Variants in MYLK observed in about 807,000 individuals in gnomAD.
The protein encoded by MYLK is myosin light chain kinase, also known as myosin light chain kinase, smooth muscle.
MYLK carries 106 observed loss-of-function variants against 203.4 expected under a neutral mutation model. That is an observed-to-expected ratio of 0.52 (90% CI 0.45 to 0.61). MYLK has a LOEUF of 0.61. Among genes scored for constraint, MYLK ranks in the 20% least tolerant of loss-of-function variants. MYLK has a pLI of 0.00. For missense variants in MYLK, 2,072 were observed against 2,442.3 expected (o/e 0.85, Z 3.20); for synonymous variants, 867 against 959.5 (o/e 0.90, Z 1.78).
intron 3 of MYLK, among the ~76,000 whole-genome samples, chr3:123,830,936 TG>T (rs1359894001): frequency 4.6e-5 from 7 of 152,180 alleles, no homozygotes; most frequent in Non-Finnish European, 8.8e-5. Flanking sequence ...GCACTGTCTT[TG>T]TTAAACAGGC....
intron 4 of MYLK, among the ~76,000 whole-genome samples, chr3:123,759,763 G>T (rs2063476147): frequency 6.6e-6 from 1 of 152,196 alleles, no homozygotes; most frequent in Non-Finnish European, 1.5e-5. Context: ...GAAGATGTAA[G>T]ACTTAGCCTA....
intron 3 of MYLK, 138 bp from the exon 4 acceptor site, chr3:123,793,982 C>T: frequency 2.3e-6 from 2 of 885,614 alleles, no homozygotes; most frequent in Non-Finnish European, 3.6e-6. Context: ...TGTCCACCCA[C>T]AGCTCCTCTG....
At chr3:123,666,610 T>C (rs573582027) in intron 21 of MYLK, among the ~76,000 whole-genome samples, 4 of 152,326 alleles carry the variant, frequency 2.6e-5, no homozygotes, top group African/African-American at 9.6e-5. Flanking sequence ...TGTACTGGAA[T>C]TTGTGACTTA....
chr3:123,660,466 T>C (rs1208938846), intron 23 of MYLK, among the ~76,000 whole-genome samples: 1 of 152,020 alleles, frequency 6.6e-6, no homozygotes, highest in African/African-American at 2.4e-5. Context: ...CTGCTCACTG[T>C]CCCCTCCCTT....
rs750151341 is a variant in MYLK, at chr3:123,614,076, C to CTT, written c.*27_*28dup. The CTT allele has an allele frequency of 3.9e-6, 6 of 1,530,670 alleles. No individual in the cohort carries two copies. In the South Asian group the frequency reaches 6.7e-5, roughly 17 times the overall value. 94.8% of individuals were successfully genotyped at this position (1,530,670 alleles called of 1,614,324 possible). On this transcript the variant is annotated 3_prime_UTR_variant, in exon 34 of 34. Transcript: ENST00000360304. ...TAGAGAAATAGTCCTTTTAATATGA[C>CTT]TTAGAAACTGCTTTTCTCTGGCTTT... is the stretch of plus-strand genomic sequence containing the variant.
At chr3:123,835,477 A>T (rs1210883357) in intron 2 of MYLK, among the ~76,000 whole-genome samples, 1 of 152,220 alleles carries the variant, frequency 6.6e-6, no homozygotes, top group African/African-American at 2.4e-5. Flanking sequence ...AAATAAGGAC[A>T]AAGAGTAAAT....
intron 2 of MYLK, among the ~76,000 whole-genome samples, chr3:123,857,676 T>C (rs980930512): frequency 2.0e-5 from 3 of 148,702 alleles, no homozygotes; most frequent in African/African-American, 4.9e-5. Flanking sequence ...AGGGATAGCA[T>C]TGGGAGATAT....
intron 11 of MYLK, among the ~76,000 whole-genome samples, chr3:123,729,088 G>A (rs2062392851): frequency 6.6e-6 from 1 of 152,118 alleles, no homozygotes; most frequent in South Asian, 2.1e-4. Context: ...GTTGTGCAGG[G>A]CTGTGAGCCT....
intron 19 of MYLK, among the ~76,000 whole-genome samples, chr3:123,684,737 T>C (rs1380923001): frequency 1.3e-5 from 2 of 152,192 alleles, no homozygotes; most frequent in Non-Finnish European, 2.9e-5. Context: ...GGTTTCGCCA[T>C]GTTGGCCAGG....
intron 20 of MYLK, among the ~76,000 whole-genome samples, chr3:123,679,755 C>T (rs1174833787): frequency 1.3e-5 from 2 of 152,176 alleles, no homozygotes; most frequent in Non-Finnish European, 2.9e-5. Flanking sequence ...GCTGCTCCCC[C>T]ACTAACTCAG....
chr3:123,647,490 TTGGCAAATTATGGCCCA>T, intron 26 of MYLK, 63 bp from the exon 27 acceptor site: 1 of 1,510,936 alleles, frequency 6.6e-7, no homozygotes, highest in Non-Finnish European at 9.2e-7. Context: ...TAACTTGGGG[TTGGCAAATTATGGCCCA>T]TGGGACAGAT....
At chr3:123,659,723 C>G in intron 23 of MYLK, 1 of 517,304 alleles carries the variant, frequency 1.9e-6, no homozygotes, top group Non-Finnish European at 3.9e-6. Flanking sequence ...ACAGGGAGCT[C>G]CTGTGAGCTT....
intron 2 of MYLK, among the ~76,000 whole-genome samples, chr3:123,862,108 C>T (rs9637386): frequency 1.3e-5 from 2 of 152,204 alleles, no homozygotes; most frequent in East Asian, 1.9e-4. Context: ...GCTGGCTCAG[C>T]GTCACCAGTC....
intron 4 of MYLK, among the ~76,000 whole-genome samples, chr3:123,785,429 G>A (rs1459720813): frequency 6.6e-6 from 1 of 152,176 alleles, no homozygotes; most frequent in Admixed American, 6.5e-5. Context: ...TACCAGCCAC[G>A]TGGAATAGAC....
At chr3:123,650,485 G>C (rs894155315) in intron 24 of MYLK, among the ~76,000 whole-genome samples, 2 of 152,132 alleles carry the variant, frequency 1.3e-5, no homozygotes, top group Non-Finnish European at 2.9e-5. Flanking sequence ...GTGTGAGTGT[G>C]AGTGTGAGTG....
chr3:123,718,248 G>C (rs1462416782), intron 13 of MYLK, among the ~76,000 whole-genome samples: 1 of 152,114 alleles, frequency 6.6e-6, no homozygotes, highest in Non-Finnish European at 1.5e-5. Context: ...GAATTCTAGG[G>C]AATGCCTCCC....
chr3:123,834,847 C>T (rs1019271797), intron 2 of MYLK, among the ~76,000 whole-genome samples: 2 of 151,960 alleles, frequency 1.3e-5, no homozygotes, highest in Non-Finnish European at 1.5e-5. Context: ...ATGTCTGCTC[C>T]GGGAAGTAGA....
chr3:123,780,088 G>A (rs569179801), intron 4 of MYLK, among the ~76,000 whole-genome samples: 1 of 152,296 alleles, frequency 6.6e-6, no homozygotes, highest in Admixed American at 6.5e-5. Context: ...GGGGTCAACT[G>A]GTAAGCATGC....
At chr3:123,790,027 T>C (rs1418526822) in intron 4 of MYLK, among the ~76,000 whole-genome samples, 1 of 152,176 alleles carries the variant, frequency 6.6e-6, no homozygotes, top group Non-Finnish European at 1.5e-5. Flanking sequence ...ACTGCAAAGA[T>C]TGTATCTGGG....
Sources: gnomAD v4.1 joint callset for allele counts (sites outside exome capture counted in the v4.1 genomes callset) on GRCh38, gnomAD v4.1.1 for gene constraint, MANE v1.5 for transcripts, NCBI Gene and HGNC (gene_info 2026-07-23, HGNC 2026-07-21) for gene names.